IARS1: variants seen among roughly 807,000 people sequenced by gnomAD.
IARS1 encodes isoleucine--tRNA ligase, cytoplasmic.
Under a neutral mutation model 168.2 loss-of-function variants are expected in IARS1, and 124 were observed. The observed-to-expected ratio is 0.74, with a 90% confidence interval of 0.64 to 0.86. The LOEUF (loss-of-function observed/expected upper bound fraction) is 0.86. IARS1 is among the 40% of genes least tolerant of loss of function. IARS1 has a pLI of 0.00. For synonymous variants in IARS1, 532 were observed against 529.4 expected, an observed-to-expected ratio of 1.00 and a Z score of -0.07; for missense variants, 1,452 against 1,515.8, an observed-to-expected ratio of 0.96 and a Z score of 0.70.
At chr9:92,228,946 C>T (rs1826185472) in intron 31 of IARS1, 55 bp downstream of exon 31, 2 of 1,604,086 alleles carry the variant, frequency 1.2e-6, no homozygotes, top group Admixed American at 3.4e-5. Flanking sequence ...AAATTAAGAC[C>T]TTCACCAATC....
intron 30 of IARS1, among the ~76,000 whole-genome samples, chr9:92,234,846 CTT>C (rs879895020): frequency 1.5e-4 from 22 of 142,076 alleles, no homozygotes; most frequent in African/African-American, 1.3e-4. Context: ...GCAATATGAG[CTT>C]TTTTTTTTTT....
chr9:92,225,404 A>G (rs181763980), intron 31 of IARS1, among the ~76,000 whole-genome samples: 38 of 152,278 alleles, frequency 2.5e-4, no homozygotes, highest in Non-Finnish European at 2.6e-4. Flanking sequence ...AAATATTTTA[A>G]CGGGTTAACC....
At chr9:92,277,678 A>ATTTT (rs879733186) in intron 9 of IARS1, among the ~76,000 whole-genome samples, 185 bp downstream of exon 9, 2 of 151,674 alleles carry the variant, frequency 1.3e-5, no homozygotes, top group Admixed American at 6.6e-5. Context: ...TGTTTTTAAA[A>ATTTT]AAAAAAAAAA....
chr9:92,288,986 A>C (rs1835888626), intron 2 of IARS1, among the ~76,000 whole-genome samples: 1 of 152,072 alleles, frequency 6.6e-6, no homozygotes, highest in Non-Finnish European at 1.5e-5. Flanking sequence ...AGGTGGGTGG[A>C]TCACTTGAGG....
At chr9:92,255,014 C>G (rs1054143106) in intron 20 of IARS1, among the ~76,000 whole-genome samples, 1 of 152,182 alleles carries the variant, frequency 6.6e-6, no homozygotes, top group African/African-American at 2.4e-5. Flanking sequence ...ACGTTTCCCA[C>G]CCACTTGTAT....
chr9:92,293,426 C>T (rs1016050148), intron 1 of IARS1, 185 bp downstream of exon 1: 4 of 531,680 alleles, frequency 7.5e-6, no homozygotes, highest in Non-Finnish European at 1.5e-5. Flanking sequence ...AGATTTTACT[C>T]ATTTCAAACA....
chr9:92,242,811 A>G, intron 28 of IARS1: 1 of 211,766 alleles, frequency 4.7e-6, no homozygotes, highest in Non-Finnish European at 9.5e-6. Context: ...CATATTCCTC[A>G]GCTCTCTAAT....
At chr9:92,221,866 T>C (rs1308422009) in intron 33 of IARS1, among the ~76,000 whole-genome samples, 1 of 152,218 alleles carries the variant, frequency 6.6e-6, no homozygotes, top group Non-Finnish European at 1.5e-5. Context: ...AATGTCAGGC[T>C]ATTTTACAAC....
chr9:92,272,005 G>C (rs1833113014), intron 10 of IARS1, among the ~76,000 whole-genome samples: 1 of 152,122 alleles, frequency 6.6e-6, no homozygotes, highest in Non-Finnish European at 1.5e-5. Flanking sequence ...CAGCCACACA[G>C]GAATGTTTTA....
intron 1 of IARS1, among the ~76,000 whole-genome samples, chr9:92,291,099 T>C (rs7863406): frequency 0.47 from 72,044 of 151,762 alleles, 20,616 homozygotes; most frequent in African/African-American, 0.81. Flanking sequence ...CATGCAGAGA[T>C]ACTTGATCAA....
chr9:92,274,217 AAG>A (rs1833483920), intron 10 of IARS1, among the ~76,000 whole-genome samples: 1 of 152,112 alleles, frequency 6.6e-6, no homozygotes. Context: ...GCACACCAAA[AAG>A]AGTTTACTGG....
chr9:92,263,007 A>G lies in IARS1; in HGVS notation c.1749T>C (p.Pro583=). ...GCCCATTCACAATTACGTTCTTGAAAGGCGGTTGTCCAAAGAGGGCCGTGG... is the reference window on the plus strand; with the variant it reads ...GCCCATTCACAATTACGTTCTTGAAGGGCGGTTGTCCAAAGAGGGCCGTGG... ...VLATALFGQP[P]FKNVIVNGLV... is the part of the protein sequence containing the mutation. The change falls in exon 17 of 34, where the codon CCT becomes CCC. Residue 583 remains proline, a synonymous_variant. Transcript: ENST00000443024. 6.2e-7 allele frequency: 1 copy of G among 1,614,180 alleles called. No individual in the cohort carries two copies. Among genetic ancestry groups the G allele is most frequent in the Non-Finnish European group, 8.5e-7 (1 of 1,180,002 alleles).
rs200927999 is a variant in IARS1 at position 92,242,361 on chromosome 9, G to C, written c.3001-31C>G. 2 of 1,567,268 alleles carry C rather than the reference G, an allele frequency of 1.3e-6. 1 individual carries two copies. The highest frequency in any genetic ancestry group is 1.7e-6 in the Non-Finnish European group (2 of 1,146,458). On this transcript the variant is annotated intron_variant, in intron 28 of 33. Transcript: ENST00000443024. ...AACACACACAGAAAAATTTAAAAGG[G>C]AAGTACATTCTATTAATCAGAACTG...
At chr9:92,245,777 T>C (rs960415385) in intron 26 of IARS1, among the ~76,000 whole-genome samples, 20 of 152,066 alleles carry the variant, frequency 1.3e-4, no homozygotes, top group African/African-American at 4.8e-4. Flanking sequence ...AATTTTTTTT[T>C]TTTTTTTGAG....
intron 30 of IARS1, among the ~76,000 whole-genome samples, chr9:92,239,030 G>A (rs1002283268): frequency 7.9e-5 from 12 of 152,178 alleles, no homozygotes; most frequent in African/African-American, 2.9e-4. Flanking sequence ...TGATGTTGAG[G>A]CCTTAGTGTA....
chr9:92,289,195 A>G, intron 2 of IARS1, 106 bp downstream of exon 2: 1 of 548,784 alleles, frequency 1.8e-6, no homozygotes, highest in Non-Finnish European at 3.2e-6. Flanking sequence ...TGACAGTGCG[A>G]GACTCCATCT....
chr9:92,293,411 T>A (rs769273289), intron 1 of IARS1, 200 bp downstream of exon 1: 1 of 529,806 alleles, frequency 1.9e-6, no homozygotes, highest in South Asian at 1.4e-5. Flanking sequence ...TATATCATTT[T>A]AAAAAGATTT....
intron 20 of IARS1, among the ~76,000 whole-genome samples, chr9:92,254,076 C>G (rs1313031983): frequency 6.6e-6 from 1 of 152,296 alleles, no homozygotes; most frequent in East Asian, 1.9e-4. Flanking sequence ...CAGAGGATGA[C>G]CTGGCCCAAA....
At chr9:92,291,374 T>C (rs1335945100) in intron 1 of IARS1, among the ~76,000 whole-genome samples, 2 of 152,182 alleles carry the variant, frequency 1.3e-5, no homozygotes, top group East Asian at 1.9e-4. Context: ...AAAAGCATCA[T>C]AGTCTAATCA....
Sources: allele counts gnomAD v4.1 joint callset (sites outside exome capture counted in the v4.1 genomes callset), GRCh38; gene constraint gnomAD v4.1.1; transcripts MANE v1.5; gene names NCBI Gene and HGNC (gene_info 2026-07-23, HGNC 2026-07-21).